Variants in KCNQ5 observed in about 807,000 individuals in gnomAD.
KCNQ5 encodes the protein potassium voltage-gated channel subfamily Q member 5, also known as potassium voltage-gated channel subfamily KQT member 5.
A neutral mutation model predicts 98.2 loss-of-function variants in KCNQ5; 30 were observed. The observed-to-expected ratio is 0.31, with a 90% CI of 0.23 to 0.41. KCNQ5 has a LOEUF of 0.41. Among genes scored for constraint, KCNQ5 ranks in the 10% least tolerant of loss-of-function variants. KCNQ5 has a pLI of 1.00. For synonymous variants in KCNQ5, 458 were observed against 449.4 expected, an observed-to-expected ratio of 1.02 and a Z score of -0.24; for missense variants, 835 against 1,182.5, an observed-to-expected ratio of 0.71 and a Z score of 4.31.
chr6:72,819,383 C>T (rs1775648347), intron 1 of KCNQ5, among the ~76,000 whole-genome samples: 1 of 151,924 alleles, frequency 6.6e-6, no homozygotes, highest in African/African-American at 2.4e-5. Flanking sequence ...AATAAAGCTA[C>T]TAAAAAATCA....
At chr6:72,879,210 G>C (rs1319501100) in intron 1 of KCNQ5, among the ~76,000 whole-genome samples, 1 of 151,854 alleles carries the variant, frequency 6.6e-6, no homozygotes, top group African/African-American at 2.4e-5. Context: ...TTCAAACTGG[G>C]CTGACAATTT....
chr6:72,690,355 A>T (rs762948134), intron 1 of KCNQ5, among the ~76,000 whole-genome samples: 1 of 152,200 alleles, frequency 6.6e-6, no homozygotes, highest in Non-Finnish European at 1.5e-5. Context: ...CATATTTTCA[A>T]GTTACTCTTC....
intron 7 of KCNQ5, among the ~76,000 whole-genome samples, chr6:73,114,559 G>T (rs965018916): frequency 1.3e-5 from 2 of 152,150 alleles, no homozygotes; most frequent in African/African-American, 4.8e-5. Flanking sequence ...GTAATGTTTT[G>T]AATACCTGCC....
intron 2 of KCNQ5, among the ~76,000 whole-genome samples, chr6:73,018,702 T>C (rs1770460170): frequency 6.6e-6 from 1 of 152,158 alleles, no homozygotes; most frequent in Non-Finnish European, 1.5e-5. Flanking sequence ...AGGTGGAGAA[T>C]GTGGAGCATT....
chr6:72,690,829 T>G (rs1007999758), intron 1 of KCNQ5, among the ~76,000 whole-genome samples: 5 of 152,084 alleles, frequency 3.3e-5, no homozygotes, highest in African/African-American at 1.2e-4. Context: ...GGAAAGATGC[T>G]AAAGTATAAT....
chr6:73,134,386 A>G (rs1388714644), intron 10 of KCNQ5: 1 of 153,502 alleles, frequency 6.5e-6, no homozygotes, highest in Non-Finnish European at 1.5e-5. Flanking sequence ...TGGGCAAGGA[A>G]CCAAAATCAA....
chr6:72,626,849 G>C (rs571017564), intron 1 of KCNQ5, among the ~76,000 whole-genome samples: 106 of 152,332 alleles, frequency 7.0e-4, no homozygotes, highest in Middle Eastern at 3.4e-3. Flanking sequence ...GAAATGTTAA[G>C]GAGATAAAAT....
At chr6:72,759,586 G>A (rs553021744) in intron 1 of KCNQ5, among the ~76,000 whole-genome samples, 10 of 152,018 alleles carry the variant, frequency 6.6e-5, no homozygotes, top group Non-Finnish European at 1.5e-4. Context: ...GTGAGTAGAT[G>A]ACCATGCCTC....
rs11438262 is a variant in KCNQ5, at chr6:72,722,396, AT to A, written c.398+99812del. ...TTCTAAGTCAATCAGAATCTGTGCAATTTATTGTGCATCCAGTTATGAAAAG... is the reference window on the plus strand; with the variant it reads ...TTCTAAGTCAATCAGAATCTGTGCAATTATTGTGCATCCAGTTATGAAAAG... On this transcript the variant is annotated intron_variant, in intron 1 of 13. Transcript: ENST00000370398. Among the ~76,000 whole-genome samples the A allele has an allele frequency of 1.8e-3, 275 of 152,270 alleles. 4 individuals carry two copies. Among genetic ancestry groups the A allele is most frequent in the South Asian group, 3.3e-3 (16 of 4,824 alleles).
chr6:73,102,772 G>A (rs949611129), intron 5 of KCNQ5, among the ~76,000 whole-genome samples: 1 of 152,104 alleles, frequency 6.6e-6, no homozygotes, highest in Non-Finnish European at 1.5e-5. Flanking sequence ...TGCTGGCAAG[G>A]ATTTGGAGAA....
chr6:72,641,118 TC>T (rs1398772269), intron 1 of KCNQ5, among the ~76,000 whole-genome samples: 2 of 152,190 alleles, frequency 1.3e-5, no homozygotes, highest in Non-Finnish European at 2.9e-5. Flanking sequence ...ATTGACTTGT[TC>T]TTTAAAGGAT....
At chr6:72,985,606 A>G (rs369315361) in intron 1 of KCNQ5, among the ~76,000 whole-genome samples, 8 of 152,216 alleles carry the variant, frequency 5.3e-5, no homozygotes, top group East Asian at 1.9e-4. Flanking sequence ...AACCACAATG[A>G]TATTTCATCT....
chr6:72,918,177 T>C (rs1780245280), intron 1 of KCNQ5, among the ~76,000 whole-genome samples: 1 of 152,118 alleles, frequency 6.6e-6, no homozygotes, highest in Admixed American at 6.5e-5. Context: ...ACGTGGCCTC[T>C]TGGGAACTGG....
intron 1 of KCNQ5, among the ~76,000 whole-genome samples, chr6:72,716,199 A>C (rs1769639262): frequency 6.6e-6 from 1 of 152,232 alleles, no homozygotes; most frequent in Non-Finnish European, 1.5e-5. Context: ...GTTTACTTAA[A>C]AGAATAGGAC....
intron 1 of KCNQ5, among the ~76,000 whole-genome samples, chr6:72,976,939 T>A (rs1343858412): frequency 1.3e-5 from 2 of 152,234 alleles, no homozygotes; most frequent in Non-Finnish European, 2.9e-5. Flanking sequence ...GCCAGATTAC[T>A]TGAGCACCTT....
chr6:73,168,647 G>C (rs537504771), intron 10 of KCNQ5, among the ~76,000 whole-genome samples: 4 of 152,054 alleles, frequency 2.6e-5, no homozygotes, highest in Non-Finnish European at 4.4e-5. Flanking sequence ...GGTGGTTACA[G>C]GGTTACAGTG....
chr6:72,668,922 C>G (rs1057216044), intron 1 of KCNQ5, among the ~76,000 whole-genome samples: 3 of 151,854 alleles, frequency 2.0e-5, no homozygotes, highest in Non-Finnish European at 4.4e-5. Flanking sequence ...ACCTTAATTA[C>G]CTTCATACAG....
At chr6:72,933,311 G>T (rs902578115) in intron 1 of KCNQ5, among the ~76,000 whole-genome samples, 1 of 152,146 alleles carries the variant, frequency 6.6e-6, no homozygotes. Flanking sequence ...TTTCCTGGCC[G>T]GAATGTTTTA....
At chr6:72,888,782 T>A (rs1357470645) in intron 1 of KCNQ5, among the ~76,000 whole-genome samples, 4 of 152,206 alleles carry the variant, frequency 2.6e-5, no homozygotes, top group African/African-American at 9.6e-5. Context: ...TTCTGCCATG[T>A]TGCATTCCTG....
Sources: gnomAD v4.1 joint callset for allele counts (sites outside exome capture counted in the v4.1 genomes callset) on GRCh38, gnomAD v4.1.1 for gene constraint, MANE v1.5 for transcripts, NCBI Gene and HGNC (gene_info 2026-07-23, HGNC 2026-07-21) for gene names.